Variants in NAV3 observed in about 807,000 individuals in gnomAD.
NAV3 encodes the protein neuron navigator 3.
NAV3 carries 87 observed loss-of-function variants against 244.7 expected under a neutral mutation model. The ratio of observed to expected loss-of-function variants is 0.36; its 90% CI spans 0.30 to 0.42. The LOEUF is 0.42. Ranked by LOEUF, NAV3 falls within the 20% of genes least tolerant of loss-of-function variation. The probability of loss-of-function intolerance (pLI) is 1.00; values close to 1 mark genes in which losing one functional copy is unlikely to be tolerated. For missense variants in NAV3, 2,663 were observed against 2,893.3 expected (o/e 0.92, Z 1.83); for synonymous variants, 1,126 against 1,042.2 (o/e 1.08, Z -1.55).
intron 1 of NAV3, among the ~76,000 whole-genome samples, chr12:77,912,621 T>A (rs1565914881): frequency 6.7e-6 from 1 of 149,804 alleles, no homozygotes; most frequent in South Asian, 2.2e-4. Flanking sequence ...TTTGTGGGGG[T>A]TTTTTGTTTG....
chr12:77,718,543 G>A (rs1876466714), intron 2 of NAV3, among the ~76,000 whole-genome samples: 1 of 152,028 alleles, frequency 6.6e-6, no homozygotes, highest in African/African-American at 2.4e-5. Context: ...GCTCTATATT[G>A]TTTTGGCTAT....
upstream of NAV3, among the ~76,000 whole-genome samples, chr12:77,826,506 A>T (rs1214162335): frequency 6.6e-6 from 1 of 152,150 alleles, no homozygotes; most frequent in Non-Finnish European, 1.5e-5. Context: ...CCCCCAAAAA[A>T]TTATAGAACT....
intron 5 of NAV3, among the ~76,000 whole-genome samples, chr12:77,976,451 A>T (rs1157121344): frequency 6.6e-6 from 1 of 152,042 alleles, no homozygotes; most frequent in Non-Finnish European, 1.5e-5. Flanking sequence ...AGAGGAGACC[A>T]AAAAGAGTTA....
At chr12:78,143,879 C>T (rs1026095705) in intron 20 of NAV3, among the ~76,000 whole-genome samples, 1 of 152,098 alleles carries the variant, frequency 6.6e-6, no homozygotes, top group Non-Finnish European at 1.5e-5. Flanking sequence ...CAGCCTCCAC[C>T]AATGCTTTTC....
intron 3 of NAV3, among the ~76,000 whole-genome samples, chr12:77,959,962 C>T (rs1452590391): frequency 8.6e-6 from 1 of 115,788 alleles, no homozygotes; most frequent in African/African-American, 3.2e-5. Flanking sequence ...AAGTTTTGGA[C>T]ATATAGCAGG....
At chr12:77,888,327 A>C (rs536665975) in intron 1 of NAV3, among the ~76,000 whole-genome samples, 2 of 152,158 alleles carry the variant, frequency 1.3e-5, no homozygotes, top group African/African-American at 4.8e-5. Context: ...ATAAATAAAA[A>C]TTAGCCTGAC....
chr12:77,721,202 C>G (rs1876616217), intron 2 of NAV3, among the ~76,000 whole-genome samples: 1 of 152,070 alleles, frequency 6.6e-6, no homozygotes, highest in Non-Finnish European at 1.5e-5. Context: ...GAATATTCAT[C>G]TGGACCTTTG....
At position 77,758,297 on chromosome 12, in the gene NAV3, C is replaced by T. The variant is rs187538017; in HGVS notation, c.73-182022C>T. Reference sequence around the variant, plus strand: ...GTTTACTGATTTATGCATTGTCTTCCCTCTAGAATTTAAACTCCAAAAAAG... The same window carrying T: ...GTTTACTGATTTATGCATTGTCTTCTCTCTAGAATTTAAACTCCAAAAAAG... On this transcript the variant is annotated intron_variant, in intron 2 of 8. Coordinates refer to the NAV3 transcript ENST00000550042. Among the ~76,000 whole-genome samples, 58 of 151,958 alleles carry T rather than the reference C, an allele frequency of 3.8e-4. No individual in the cohort carries two copies. The East Asian group carries it at 0.01, about 27-fold the overall frequency.
At chr12:78,109,707 C>T in intron 12 of NAV3, among the ~76,000 whole-genome samples, 1 of 151,948 alleles carries the variant, frequency 6.6e-6, no homozygotes, top group East Asian at 1.9e-4. Flanking sequence ...ATATGATCAT[C>T]TCAATAGATG....
intron 20 of NAV3, among the ~76,000 whole-genome samples, chr12:78,144,684 G>T (rs1260239623): frequency 2.0e-5 from 3 of 151,658 alleles, no homozygotes; most frequent in Non-Finnish European, 2.9e-5. Context: ...CAAAAATGCG[G>T]TGAGTATATT....
At chr12:77,739,603 A>C (rs1030011432) in intron 2 of NAV3, among the ~76,000 whole-genome samples, 1 of 152,220 alleles carries the variant, frequency 6.6e-6, no homozygotes, top group Non-Finnish European at 1.5e-5. Flanking sequence ...AGTATTCACA[A>C]CTAGTAGTGA....
At chr12:77,691,333 G>GTATATATATAATATATATA (rs1214933751) in intron 2 of NAV3, among the ~76,000 whole-genome samples, 3 of 100,944 alleles carry the variant, frequency 3.0e-5, no homozygotes, top group African/African-American at 1.2e-4. Flanking sequence ...ATTTGTGTAT[G>GTATATATATAATATATATA]TGTGTATATA....
chr12:77,722,947 G>T (rs575975601), intron 2 of NAV3, among the ~76,000 whole-genome samples: 11 of 152,128 alleles, frequency 7.2e-5, no homozygotes, highest in African/African-American at 2.4e-4. Flanking sequence ...AGGCTCAGGT[G>T]AATGTTTACA....
chr12:77,768,860 CT>C (rs1592664766), intron 2 of NAV3, among the ~76,000 whole-genome samples: 2 of 152,230 alleles, frequency 1.3e-5, no homozygotes, highest in African/African-American at 4.8e-5. Context: ...CAGCCAGTGT[CT>C]TTTCAGCAGC....
intron 3 of NAV3, among the ~76,000 whole-genome samples, chr12:77,943,097 C>G (rs1292232460): frequency 6.6e-6 from 1 of 152,140 alleles, no homozygotes; most frequent in Non-Finnish European, 1.5e-5. Context: ...AAGCTCATAA[C>G]AATGGTTAAT....
chr12:77,852,098 C>G (rs1877617562), intron 1 of NAV3, among the ~76,000 whole-genome samples: 1 of 152,112 alleles, frequency 6.6e-6, no homozygotes, highest in Non-Finnish European at 1.5e-5. Context: ...TAGGAAATCA[C>G]AGCAAAAGTA....
At chr12:78,060,573 T>C (rs968891726) in intron 12 of NAV3, among the ~76,000 whole-genome samples, 10 of 152,170 alleles carry the variant, frequency 6.6e-5, no homozygotes, top group Non-Finnish European at 7.3e-5. Context: ...CAAATGTTTG[T>C]GGAGTGAATG....
rs757957229 is a variant in NAV3, at chr12:78,050,008, C to G, written c.2039C>G (p.Thr680Arg). The G allele has an allele frequency of 1.2e-6, 2 of 1,609,974 alleles. No homozygotes were observed. Among genetic ancestry groups the G allele is most frequent in the South Asian group, 1.1e-5 (1 of 89,546 alleles). ...GCTTTCCTAGGTGAAGACCCTGAAA[C>G]AAGAAGAATGAGAACAGTTAAAAAC... Reference protein sequence around the residue: ...LEEISGEDPETRRMRTVKNIA... With the variant: ...LEEISGEDPERRRMRTVKNIA... The change falls in exon 10 of 40, where the codon ACA becomes AGA. Residue 680 changes from threonine to arginine, a missense_variant. Thr to Arg is a moderately conservative substitution (Grantham distance 71). Coordinates refer to ENST00000397909, the MANE Select transcript of NAV3 (RefSeq NM_001024383.2).
At chr12:77,635,152 T>C (rs979576909) in intron 2 of NAV3, among the ~76,000 whole-genome samples, 1 of 151,836 alleles carries the variant, frequency 6.6e-6, no homozygotes, top group Non-Finnish European at 1.5e-5. Context: ...TGCTGGAACC[T>C]GGGAGGCAGA....
Sources: allele counts gnomAD v4.1 joint callset (sites outside exome capture counted in the v4.1 genomes callset), GRCh38; gene constraint gnomAD v4.1.1; transcripts MANE v1.5; gene names NCBI Gene and HGNC (gene_info 2026-07-23, HGNC 2026-07-21).